Variants in PLCB1 observed in about 807,000 individuals in gnomAD.
PLCB1 encodes the protein 1-phosphatidylinositol 4,5-bisphosphate phosphodiesterase beta-1.
In PLCB1, 46 loss-of-function variants were observed where a neutral mutation model predicts 161.8. The observed-to-expected ratio is 0.28, with a 90% CI of 0.22 to 0.36. PLCB1 has a LOEUF of 0.36. PLCB1 is among the 10% of genes least tolerant of loss of function. The pLI is 1.00. For missense variants in PLCB1, 1,016 were observed against 1,472.5 expected, an observed-to-expected ratio of 0.69 and a Z score of 5.07; for synonymous variants, 517 against 503.7, an observed-to-expected ratio of 1.03 and a Z score of -0.35.
intron 4 of PLCB1, among the ~76,000 whole-genome samples, chr20:8,635,846 T>G (rs983341317): frequency 6.6e-6 from 1 of 152,176 alleles, no homozygotes; most frequent in Admixed American, 6.5e-5. Context: ...ACTTCAGGAA[T>G]TTTCTTAGAG....
intron 3 of PLCB1, among the ~76,000 whole-genome samples, chr20:8,582,994 A>T (rs955683137): frequency 1.3e-5 from 2 of 151,896 alleles, no homozygotes; most frequent in Non-Finnish European, 2.9e-5. Flanking sequence ...ATCTCAAAAA[A>T]AAAAAAAAAG....
intron 10 of PLCB1, among the ~76,000 whole-genome samples, chr20:8,685,486 C>G (rs905873649): frequency 1.3e-5 from 2 of 149,938 alleles, no homozygotes; most frequent in Non-Finnish European, 3.0e-5. Flanking sequence ...CACTTTGGGA[C>G]GGCGAGGCGG....
chr20:8,373,583 C>T (rs1033809132), intron 3 of PLCB1, among the ~76,000 whole-genome samples: 3 of 152,130 alleles, frequency 2.0e-5, no homozygotes, highest in Non-Finnish European at 4.4e-5. Context: ...GTGGTGTGGG[C>T]ATGATGGATT....
chr20:8,296,378 C>T (rs2123311452), intron 2 of PLCB1, among the ~76,000 whole-genome samples: 2 of 152,260 alleles, frequency 1.3e-5, no homozygotes, highest in Non-Finnish European at 2.9e-5. Context: ...CCGTGCTGTG[C>T]TCTGAACCTT....
At chr20:8,182,337 G>A (rs73080268) in intron 2 of PLCB1, among the ~76,000 whole-genome samples, 10,355 of 152,154 alleles carry the variant, frequency 0.068, 448 homozygotes, top group Middle Eastern at 0.15. Context: ...GGCTGGGGTT[G>A]TGAGTTTCTT....
At chr20:8,771,362 A>G (rs1238744209) in intron 26 of PLCB1, among the ~76,000 whole-genome samples, 1 of 152,120 alleles carries the variant, frequency 6.6e-6, no homozygotes, top group Non-Finnish European at 1.5e-5. Flanking sequence ...TGTGAAGGGA[A>G]TCACATATGT....
chr20:8,657,242 A>G lies in PLCB1; in HGVS notation c.653A>G (p.Asn218Ser). 2 of 1,610,046 alleles carry G rather than the reference A, an allele frequency of 1.2e-6. No individual in the cohort carries two copies. The highest frequency in any genetic ancestry group is 1.7e-6 in the Non-Finnish European group (2 of 1,176,588). ...GAAGTGTACAGAGTTTTCCTCAACA[A>G]CCTTTGCCCTCGACCTGAAATTGAT... is the stretch of plus-strand genomic sequence containing the variant. ...TPEVYRVFLNNLCPRPEIDNI... is the reference protein window; with the variant it reads ...TPEVYRVFLNSLCPRPEIDNI... Residue 218 changes from asparagine to serine, a missense_variant, in exon 8 of 32, where the codon AAC becomes AGC. Physicochemically the swap from Asn to Ser is conservative, Grantham distance 46. This residue lies in a region of PLCB1 where 117 missense variants were observed against 142.2 expected (regional missense o/e 0.82). Coordinates refer to ENST00000338037, the MANE Select transcript of PLCB1 (RefSeq NM_015192.4).
chr20:8,381,378 T>A (rs1987249063), intron 3 of PLCB1, among the ~76,000 whole-genome samples: 1 of 152,248 alleles, frequency 6.6e-6, no homozygotes, highest in African/African-American at 2.4e-5. Context: ...TCGATGTTCA[T>A]CAGGGATATT....
intron 4 of PLCB1, among the ~76,000 whole-genome samples, chr20:8,631,395 C>CA (rs560121143): frequency 8.7e-4 from 132 of 152,126 alleles, no homozygotes; most frequent in African/African-American, 2.7e-3. Context: ...CCATGTGAAC[C>CA]AAAAAAACAT....
At chr20:8,829,158 G>GA (rs1476692090) in intron 31 of PLCB1, among the ~76,000 whole-genome samples, 1 of 152,090 alleles carries the variant, frequency 6.6e-6, no homozygotes, top group African/African-American at 2.4e-5. Flanking sequence ...AAATGTTAGG[G>GA]AAAAAATCCT....
chr20:8,519,446 A>G (rs1984262529), intron 3 of PLCB1, among the ~76,000 whole-genome samples: 1 of 152,156 alleles, frequency 6.6e-6, no homozygotes, highest in Non-Finnish European at 1.5e-5. Flanking sequence ...AGTAGGAGGT[A>G]CAAAATACAA....
chr20:8,181,599 A>G (rs1402701164), intron 2 of PLCB1, among the ~76,000 whole-genome samples: 5 of 152,168 alleles, frequency 3.3e-5, no homozygotes, highest in African/African-American at 9.6e-5. Context: ...TGAGTTTCCT[A>G]GAAGTATATA....
At chr20:8,656,144 A>G (rs1306472162) in intron 7 of PLCB1, among the ~76,000 whole-genome samples, 2 of 152,052 alleles carry the variant, frequency 1.3e-5, no homozygotes, top group Non-Finnish European at 2.9e-5. Context: ...ATAATGATTC[A>G]TGTATTGTTC....
chr20:8,745,517 G>C (rs939836283), intron 23 of PLCB1, among the ~76,000 whole-genome samples: 1 of 151,942 alleles, frequency 6.6e-6, no homozygotes, highest in African/African-American at 2.4e-5. Flanking sequence ...AAACCAAATA[G>C]ATAAGAAAGT....
intron 31 of PLCB1, among the ~76,000 whole-genome samples, chr20:8,851,576 A>G (rs968816235): frequency 2.6e-5 from 4 of 152,142 alleles, no homozygotes; most frequent in Admixed American, 2.0e-4. Context: ...CTTTTTGTTG[A>G]TAAGGATTCC....
intron 2 of PLCB1, among the ~76,000 whole-genome samples, chr20:8,268,059 T>G (rs1600275026): frequency 6.6e-6 from 1 of 152,064 alleles, no homozygotes; most frequent in African/African-American, 2.4e-5. Context: ...GTTGGTGTGC[T>G]GCACCCATTA....
At chr20:8,424,528 T>C (rs1290219162) in intron 3 of PLCB1, among the ~76,000 whole-genome samples, 1 of 152,184 alleles carries the variant, frequency 6.6e-6, no homozygotes, top group African/African-American at 2.4e-5. Flanking sequence ...TCTCTTTCTT[T>C]TCACTAACTC....
chr20:8,631,727 G>A (rs1988594576), intron 4 of PLCB1, among the ~76,000 whole-genome samples: 1 of 152,066 alleles, frequency 6.6e-6, no homozygotes, highest in Admixed American at 6.6e-5. Context: ...TTTATAATAG[G>A]CCACTTTTTT....
chr20:8,474,001 T>C (rs1982163614), intron 3 of PLCB1, among the ~76,000 whole-genome samples: 1 of 152,224 alleles, frequency 6.6e-6, no homozygotes, highest in African/African-American at 2.4e-5. Context: ...TAATTAATTG[T>C]CTGCAATAGT....
Sources: allele counts gnomAD v4.1 joint callset (sites outside exome capture counted in the v4.1 genomes callset), GRCh38; gene constraint gnomAD v4.1.1; regional missense constraint gnomAD v4.1.1; transcripts MANE v1.5; gene names NCBI Gene and HGNC (gene_info 2026-07-23, HGNC 2026-07-21).